Variants in THAP3 observed in about 807,000 individuals in gnomAD.
The protein encoded by THAP3 is THAP domain containing 3, also known as THAP domain-containing protein 3.
Under a neutral mutation model 17.7 loss-of-function variants are expected in THAP3, and 12 were observed. The ratio of observed to expected loss-of-function variants is 0.68; its 90% CI spans 0.43 to 1.10. The LOEUF is 1.10. Ranked by LOEUF, THAP3 falls within the 50% of genes least tolerant of loss-of-function variation. The probability of loss-of-function intolerance (pLI) is 0.00; values close to 1 mark genes in which losing one functional copy is unlikely to be tolerated. For missense variants in THAP3, 289 were observed against 318.0 expected (o/e 0.91, Z 0.69); for synonymous variants, 133 against 126.9 (o/e 1.05, Z -0.32).
At chr1:6,630,861 C>T (rs952551029) in intron 4 of THAP3, among the ~76,000 whole-genome samples, 4 of 151,424 alleles carry the variant, frequency 2.6e-5, no homozygotes, top group East Asian at 3.9e-4. Context: ...TGTGAGCCAC[C>T]GCGCCTGGGC....
downstream of THAP3, chr1:6,635,147 G>A (rs762557054): frequency 4.7e-5 from 8 of 170,458 alleles, no homozygotes; most frequent in Admixed American, 2.8e-4. Flanking sequence ...TTATAAACCC[G>A]CAATCTGCTC....
At chr1:6,635,262 A>C, downstream of THAP3, 1 of 180,562 alleles carries the variant, frequency 5.5e-6, no homozygotes. Flanking sequence ...GTTGTTTCCC[A>C]TGTTCAGCGT....
At position 6,633,199 on chromosome 1, in the gene THAP3, G is replaced by T; in HGVS notation, c.*122G>T. 7 of 1,462,120 alleles carry T rather than the reference G, an allele frequency of 4.8e-6. No homozygotes were observed. In the South Asian group the frequency reaches 1.0e-4, roughly 21 times the overall value. 90.6% of individuals were successfully genotyped at this position (1,462,120 alleles called of 1,614,324 possible). On this transcript the variant is annotated 3_prime_UTR_variant, in exon 6 of 6. Transcript: ENST00000054650. Reference sequence around the variant, plus strand: ...AGAAAGTTGGCCATGAGGCCTGCTTGGCCGGGGATCGAGACAGTAGCCAAG... The same window carrying T: ...AGAAAGTTGGCCATGAGGCCTGCTTTGCCGGGGATCGAGACAGTAGCCAAG...
chr1:6,633,064 A>G lies in THAP3; in HGVS notation c.707A>G (p.Glu236Gly). 1 of 1,602,848 alleles carries G rather than the reference A, an allele frequency of 6.2e-7. No individual in the cohort carries two copies. The highest frequency in any genetic ancestry group is 1.7e-5 in the Admixed American group (1 of 58,320). The change falls in exon 6 of 6, where the codon GAG becomes GGG. Residue 236 changes from glutamate (E) to glycine (G), a missense_variant. Transcript: ENST00000054650. ...HQGLQARLGP[E>G]QQS ...GGACTCCAGGCCAGACTTGGGCCAG[A>G]GCAGCAGAGCTGAGCCCCACAGGCT...
intron 5 of THAP3, 39 bp from the exon 6 acceptor site, chr1:6,632,757 T>C (rs1330371405): frequency 3.1e-6 from 5 of 1,609,292 alleles, no homozygotes; most frequent in Non-Finnish European, 4.2e-6. Flanking sequence ...GCCTTCCTGC[T>C]GGTGATGCAG....
chr1:6,625,714 C>A (rs12127191), intron 2 of THAP3, among the ~76,000 whole-genome samples: 1 of 151,550 alleles, frequency 6.6e-6, no homozygotes, highest in African/African-American at 2.4e-5. Context: ...CGCGGGAGGA[C>A]GCTGGAGACT....
At chr1:6,626,352 C>T (rs1641469623) in intron 2 of THAP3, among the ~76,000 whole-genome samples, 1 of 152,008 alleles carries the variant, frequency 6.6e-6, no homozygotes, top group Non-Finnish European at 1.5e-5. Context: ...GAACCCCTAC[C>T]TGGACCCCCT....
chr1:6,634,981 G>A (rs1185318356), downstream of THAP3: 11 of 779,646 alleles, frequency 1.4e-5, no homozygotes, highest in Non-Finnish European at 1.9e-5. Flanking sequence ...ACCGGGATAC[G>A]GGAAGCCACC....
chr1:6,633,229 C>T lies in THAP3; in HGVS notation c.*152C>T, dbSNP rs1444216986. ...GGGATCGAGACAGTAGCCAAGCTCCCCGGCGAGAGCCCCAATGCCGTCTGG... is the reference window on the plus strand; with the variant it reads ...GGGATCGAGACAGTAGCCAAGCTCCTCGGCGAGAGCCCCAATGCCGTCTGG... On this transcript the variant is annotated 3_prime_UTR_variant, in exon 6 of 6. Transcript: ENST00000054650. The T allele has an allele frequency of 2.1e-6, 3 of 1,444,886 alleles. No individual in the cohort carries two copies. The highest frequency in any genetic ancestry group is 2.7e-6 in the Non-Finnish European group (3 of 1,106,092). The allele number at this position is 1,444,886 out of a possible 1,614,324, so 89.5% of individuals were successfully genotyped here. A position where few individuals can be genotyped will look rare whatever the true frequency, so the allele number is the denominator to read the frequency against.
intron 2 of THAP3, among the ~76,000 whole-genome samples, chr1:6,626,576 G>C: frequency 6.6e-6 from 1 of 152,312 alleles, no homozygotes; most frequent in South Asian, 2.1e-4. Flanking sequence ...GGTGGCTCAC[G>C]CCTGTAATCC....
intron 2 of THAP3, 90 bp downstream of exon 2, chr1:6,625,382 A>T: frequency 2.3e-6 from 3 of 1,282,410 alleles, no homozygotes; most frequent in South Asian, 1.6e-5. Context: ...CGGGAGGCCC[A>T]AAGGCGTGCG....
At chr1:6,628,191 G>A (rs938610177) in intron 2 of THAP3, 2 of 337,406 alleles carry the variant, frequency 5.9e-6, no homozygotes, top group African/African-American at 2.2e-5. Flanking sequence ...GGCCAGGACT[G>A]TCTCATTACC....
At chr1:6,626,558 C>A (rs1426366126) in intron 2 of THAP3, among the ~76,000 whole-genome samples, 1 of 152,222 alleles carries the variant, frequency 6.6e-6, no homozygotes, top group Non-Finnish European at 1.5e-5. Context: ...GTTCTGGAGG[C>A]TGGGCGTGGT....
At chr1:6,625,405 G>T in intron 2 of THAP3, 113 bp downstream of exon 2, 3 of 1,008,274 alleles carry the variant, frequency 3.0e-6, no homozygotes, top group South Asian at 4.2e-5. Flanking sequence ...CGCTGGGCCC[G>T]GGGACAGGCC....
downstream of THAP3, chr1:6,634,464 TCAG>T (rs1557460841): frequency 6.1e-6 from 8 of 1,309,160 alleles, no homozygotes; most frequent in South Asian, 8.7e-5. Context: ...AGGCCTGACT[TCAG>T]CAACAGCTGT....
rs894906909 is a variant in THAP3 at position 6,626,440 on chromosome 1, T to G, written c.74+1148T>G. 2.0e-5 allele frequency among the ~76,000 whole-genome samples: 3 copies of G among 152,324 alleles called. No homozygotes were observed. The South Asian group carries it at 6.2e-4, about 32-fold the overall frequency. ...TCAGAGTGGATTGCAGTTCATTCGC[T>G]TTCGTTGCCACATAATATTCCATTG... On this transcript the variant is annotated intron_variant, in intron 2 of 5. Coordinates refer to ENST00000054650, the MANE Select transcript of THAP3 (RefSeq NM_001195753.2).
At chr1:6,632,551 C>T (rs1397998533) in intron 5 of THAP3, 56 bp downstream of exon 5, 1 of 1,608,296 alleles carries the variant, frequency 6.2e-7, no homozygotes, top group African/African-American at 1.3e-5. Context: ...TTGCTCCAAA[C>T]AAAATGGAAA....
rs531976286 is a variant in THAP3 at position 6,633,317 on chromosome 1, A to G, written c.*240A>G. Reference sequence around the variant, plus strand: ...GTGAGCATGACAAGCTTATCCTCCCATGGTAACAGAAGTCCAGGCTGAGGC... The same window carrying G: ...GTGAGCATGACAAGCTTATCCTCCCGTGGTAACAGAAGTCCAGGCTGAGGC... On this transcript the variant is annotated 3_prime_UTR_variant, in exon 6 of 6. Coordinates refer to ENST00000054650, the MANE Select transcript of THAP3 (RefSeq NM_001195753.2). 3.6e-6 allele frequency: 5 copies of G among 1,393,226 alleles called. No individual in the cohort carries two copies. The South Asian group carries it at 4.7e-5, about 13-fold the overall frequency. 86.3% of individuals were successfully genotyped at this position (1,393,226 alleles called of 1,614,324 possible).
downstream of THAP3, chr1:6,634,027 T>C (rs772468873): frequency 6.2e-7 from 1 of 1,613,540 alleles, no homozygotes; most frequent in South Asian, 1.1e-5. Context: ...CAGGCAATGT[T>C]GTTTAATGTA....
Sources: allele counts gnomAD v4.1 joint callset (sites outside exome capture counted in the v4.1 genomes callset), GRCh38; gene constraint gnomAD v4.1.1; transcripts MANE v1.5; gene names NCBI Gene and HGNC (gene_info 2026-07-23, HGNC 2026-07-21).